The following XAF1 variants were observed in gnomAD, a reference collection of about 807,000 sequenced individuals.
XAF1 encodes XIAP-associated factor 1.
Under a neutral mutation model 32.3 loss-of-function variants are expected in XAF1, and 32 were observed. The observed-to-expected ratio is 0.99, with a 90% CI of 0.75 to 1.33. The LOEUF is 1.33. Among genes scored for constraint, XAF1 ranks in the 40% most tolerant of loss-of-function variants. XAF1 has a pLI of 0.00. For missense variants in XAF1, 379 were observed against 366.0 expected (o/e 1.04, Z -0.29); for synonymous variants, 120 against 125.9 (o/e 0.95, Z 0.31).
Position 6,756,057 on chromosome 17 carries a change from G to C in XAF1, c.-22G>C. 1 of 1,613,794 alleles carries C rather than the reference G, an allele frequency of 6.2e-7. No individual in the cohort carries two copies. Among genetic ancestry groups the C allele is most frequent in the Non-Finnish European group, 8.5e-7 (1 of 1,179,900 alleles). ...TGCCTGCAAGAAACGAAACTCAACC[G>C]AAAGCCTGCAGAGAGCAGAACATGG... On this transcript the variant is annotated 5_prime_UTR_variant, in exon 1 of 7. Transcript: ENST00000361842.
chr17:6,762,129 G>T, intron 4 of XAF1, 26 bp from the exon 5 acceptor site: 1 of 1,612,122 alleles, frequency 6.2e-7, no homozygotes, highest in Non-Finnish European at 8.5e-7. Context: ...ACAATCATTT[G>T]TGGTGTTGTT....
chr17:6,774,127 C>T lies in XAF1; in HGVS notation c.*958C>T, dbSNP rs146532827. ...GCAAAAAGAACAAAGCTGGAGGCAT[C>T]GCATTACCCAACTTCAAACTATACT... On this transcript the variant is annotated 3_prime_UTR_variant, in exon 7 of 7. Transcript: ENST00000361842. 3.3e-5 allele frequency: 5 copies of T among 152,256 alleles called. No homozygotes were observed. Among genetic ancestry groups the T allele is most frequent in the African/African-American group, 1.2e-4 (5 of 41,554 alleles). The allele number at this position is 152,256 out of a possible 1,614,324, so 9.4% of individuals were successfully genotyped here.
chr17:6,770,581 G>A, intron 5 of XAF1, 62 bp from the exon 6 acceptor site: 1 of 1,359,602 alleles, frequency 7.4e-7, no homozygotes, highest in Non-Finnish European at 1.0e-6. Context: ...CTAGTCTACT[G>A]TATTTTCTGA....
chr17:6,762,356 C>T lies in XAF1; in HGVS notation c.507+116C>T, dbSNP rs1975287434. The T allele has an allele frequency of 5.8e-6, 5 of 860,142 alleles. No homozygotes were observed. In the South Asian group the frequency reaches 7.4e-5, roughly 13 times the overall value. 53.3% of individuals were successfully genotyped at this position (860,142 alleles called of 1,614,324 possible). ...TTACATAGCATGGATATTAAAGGGT[C>T]CCATATTTATTTTTTGCTTTGTTCC... On this transcript the variant is annotated intron_variant, in intron 5 of 6. Transcript: ENST00000361842.
At chr17:6,764,361 TG>T (rs1419370240) in intron 5 of XAF1, among the ~76,000 whole-genome samples, 1 of 152,138 alleles carries the variant, frequency 6.6e-6, no homozygotes, top group Admixed American at 6.6e-5. Context: ...CCTCTCTTTT[TG>T]CCTACACAAG....
chr17:6,773,230 G>T lies in XAF1; in HGVS notation c.*61G>T. The T allele has an allele frequency of 6.8e-7, 1 of 1,459,936 alleles. No individual in the cohort carries two copies. The highest frequency in any genetic ancestry group is 2.0e-5 in the Admixed American group (1 of 49,054). 90.4% of individuals were successfully genotyped at this position (1,459,936 alleles called of 1,614,324 possible). On this transcript the variant is annotated 3_prime_UTR_variant, in exon 7 of 7. Transcript: ENST00000361842. The stretch of plus-strand genomic sequence containing the variant: ...TTTCACTTTTAACACTGGCATTCCT[G>T]CCTACTTGCTGTGGTGGTCTTGTGA...
At chr17:6,767,039 A>G (rs1975672245) in intron 5 of XAF1, among the ~76,000 whole-genome samples, 2 of 152,242 alleles carry the variant, frequency 1.3e-5, no homozygotes, top group Non-Finnish European at 1.5e-5. Context: ...TATATGTCTG[A>G]AAATGAAAGC....
rs748694845 is a variant in XAF1 at position 6,773,210 on chromosome 17, C to G, written c.*41C>G. ...GGTACTACAAATTCAAAAGATTTCA[C>G]TTTTAACACTGGCATTCCTGCCTAC... On this transcript the variant is annotated 3_prime_UTR_variant, in exon 7 of 7. Transcript: ENST00000361842. 2 of 1,548,036 alleles carry G rather than the reference C, an allele frequency of 1.3e-6. No homozygotes were observed. Among genetic ancestry groups the G allele is most frequent in the Admixed American group, 3.8e-5 (2 of 52,552 alleles).
intron 2 of XAF1, chr17:6,759,337 G>A (rs1215509253): frequency 7.7e-7 from 1 of 1,305,676 alleles, no homozygotes; most frequent in Non-Finnish European, 9.7e-7. Flanking sequence ...GAGAGGATGT[G>A]AAAAAGGAAG....
chr17:6,760,551 T>C lies in XAF1; in HGVS notation c.371T>C (p.Leu124Pro). Reference sequence around the variant, plus strand: ...GGCCAGTTCATCATGCACCGCATGCTCGCCCAGCACAGAGATGTCTGTCGC... The same window carrying C: ...GGCCAGTTCATCATGCACCGCATGCCCGCCCAGCACAGAGATGTCTGTCGC... The part of the protein sequence containing the change: ...GCGQFIMHRM[L>P]AQHRDVCRSE... The change falls in exon 4 of 7, where the codon CTC becomes CCC. Residue 124 changes from leucine to proline, a missense_variant. By Grantham distance (98) the Leu-to-Pro change is moderately conservative. Coordinates refer to ENST00000361842, the MANE Select transcript of XAF1 (RefSeq NM_017523.5). The C allele has an allele frequency of 3.1e-6, 5 of 1,613,332 alleles. No homozygotes were observed. The highest frequency in any genetic ancestry group is 2.2e-5 in the East Asian group (1 of 44,840).
intron 1 of XAF1, among the ~76,000 whole-genome samples, chr17:6,757,058 A>G (rs1351866074): frequency 6.6e-6 from 1 of 150,814 alleles, no homozygotes; most frequent in Non-Finnish European, 1.5e-5. Context: ...CTGGAGTGCA[A>G]TGGCGCGATT....
At chr17:6,760,385 C>T (rs1374678601) in intron 3 of XAF1, 21 bp from the exon 4 acceptor site, 3 of 1,591,534 alleles carry the variant, frequency 1.9e-6, no homozygotes, top group South Asian at 1.1e-5. Flanking sequence ...GTGATCATGC[C>T]CTTCCTGCTG....
chr17:6,756,563 G>T (rs975855486), intron 1 of XAF1, among the ~76,000 whole-genome samples: 1 of 150,992 alleles, frequency 6.6e-6, no homozygotes, highest in Non-Finnish European at 1.5e-5. Context: ...AGGGGGCTGG[G>T]ACCACACCTC....
intron 3 of XAF1, chr17:6,760,005 C>T: frequency 1.1e-5 from 6 of 560,084 alleles, no homozygotes; most frequent in South Asian, 6.2e-5. Flanking sequence ...CGTATTGGCC[C>T]TAATTCCCTA....
chr17:6,759,941 A>T, intron 3 of XAF1: 1 of 735,098 alleles, frequency 1.4e-6, no homozygotes, highest in African/African-American at 1.8e-5. Context: ...AGTCCATCAG[A>T]GCTCAGATCC....
At chr17:6,759,578 G>A in intron 2 of XAF1, 84 bp from the exon 3 acceptor site, 2 of 1,597,404 alleles carry the variant, frequency 1.3e-6, no homozygotes, top group East Asian at 2.2e-5. Flanking sequence ...GGAACACTGT[G>A]AGCCAAAGTG....
At chr17:6,760,346 TCA>T in intron 3 of XAF1, 58 bp from the exon 4 acceptor site, 1 of 734,176 alleles carries the variant, frequency 1.4e-6, no homozygotes, top group Non-Finnish European at 1.9e-6. Context: ...AGACTCTGTC[TCA>T]AAAAAAAAAA....
chr17:6,762,443 G>C (rs1300096376), intron 5 of XAF1, among the ~76,000 whole-genome samples: 1 of 152,120 alleles, frequency 6.6e-6, no homozygotes, highest in East Asian at 1.9e-4. Flanking sequence ...CTTCATTTGT[G>C]CCCAGCCCTT....
intron 5 of XAF1, 31 bp downstream of exon 5, chr17:6,762,271 G>T (rs756869867): frequency 3.9e-6 from 6 of 1,550,904 alleles, no homozygotes; most frequent in Non-Finnish European, 5.3e-6. Flanking sequence ...TTCTAATGGT[G>T]CCAATAGTTC....
Sources: allele counts gnomAD v4.1 joint callset (sites outside exome capture counted in the v4.1 genomes callset), GRCh38; gene constraint gnomAD v4.1.1; transcripts MANE v1.5; gene names NCBI Gene and HGNC (gene_info 2026-07-23, HGNC 2026-07-21).